NPLOC4: variants seen among roughly 807,000 people sequenced by gnomAD.
The protein encoded by NPLOC4 is nuclear protein localization protein 4 homolog.
A neutral mutation model predicts 80.6 loss-of-function variants in NPLOC4; 18 were observed. The ratio of observed to expected loss-of-function variants is 0.22; its 90% confidence interval spans 0.15 to 0.33. NPLOC4 has a LOEUF of 0.33. Ranked by LOEUF, NPLOC4 falls within the 10% of genes least tolerant of loss-of-function variation. NPLOC4 has a pLI of 1.00. For synonymous variants in NPLOC4, 313 were observed against 301.5 expected (o/e 1.04, Z -0.39); for missense variants, 540 against 786.1 (o/e 0.69, Z 3.74).
intron 12 of NPLOC4, among the ~76,000 whole-genome samples, chr17:81,581,518 C>G (rs1467349964): frequency 6.6e-6 from 1 of 152,184 alleles, no homozygotes; most frequent in Non-Finnish European, 1.5e-5. Flanking sequence ...TGTGGACGCC[C>G]AGACCCTTGG....
chr17:81,606,364 T>C lies in NPLOC4; in HGVS notation c.654+327A>G, dbSNP rs1365175852. 2.6e-5 allele frequency among the ~76,000 whole-genome samples: 4 copies of C among 152,252 alleles called. No homozygotes were observed. The East Asian group carries it at 7.7e-4, about 29-fold the overall frequency. On this transcript the variant is annotated intron_variant, in intron 7 of 16. Transcript: ENST00000331134. ...GCCAGCCTGGACAGGTGCTCAGAGCTGGTCCAAGGGGTGCCCCTTTACCAA... is the reference window on the plus strand; with the variant it reads ...GCCAGCCTGGACAGGTGCTCAGAGCCGGTCCAAGGGGTGCCCCTTTACCAA...
intron 1 of NPLOC4, chr17:81,636,436 T>A (rs1283930279): frequency 6.5e-6 from 1 of 153,392 alleles, no homozygotes; most frequent in Non-Finnish European, 1.5e-5. Context: ...AACGTCCCCG[T>A]CTGCAGAGCT....
chr17:81,587,909 T>C (rs1417343443), intron 12 of NPLOC4, among the ~76,000 whole-genome samples: 1 of 151,936 alleles, frequency 6.6e-6, no homozygotes, highest in Non-Finnish European at 1.5e-5. Flanking sequence ...TCTCCTGACC[T>C]TGTGATCCGC....
chr17:81,559,184 A>G lies in NPLOC4; in HGVS notation c.*75T>C. ...TGCCCACTATGGGGCAGTTACAGGG[A>G]ACACACTCAGCAACGCTTCTGGCTT... On this transcript the variant is annotated 3_prime_UTR_variant, in exon 17 of 17. Transcript: ENST00000331134. The G allele has an allele frequency of 3.4e-6, 5 of 1,475,008 alleles. No individual in the cohort carries two copies. The highest frequency in any genetic ancestry group is 4.5e-6 in the Non-Finnish European group (5 of 1,102,330). The allele number at this position is 1,475,008 out of a possible 1,614,324, so 91.4% of individuals were successfully genotyped here. A position where few individuals can be genotyped will look rare whatever the true frequency, so the allele number is the denominator to read the frequency against.
intron 1 of NPLOC4, among the ~76,000 whole-genome samples, chr17:81,634,163 C>T (rs1319002013): frequency 6.6e-6 from 1 of 151,618 alleles, no homozygotes; most frequent in Non-Finnish European, 1.5e-5. Context: ...TGAGCCACCA[C>T]GCCCTAATTT....
Position 81,616,340 on chromosome 17 carries a change from AAAAGC to A in NPLOC4, c.210-2851_210-2847del, listed in dbSNP as rs1219207821. Among the ~76,000 whole-genome samples, 10 of 147,838 alleles carry A rather than the reference AAAAGC, an allele frequency of 6.8e-5. 1 individual carries two copies. The highest frequency in any genetic ancestry group is 2.3e-4 in the African/African-American group (9 of 39,990). ...TGTCTCAAAAAAAAAAAAAAAAAAG[AAAAGC>A]AAAGCTGCTAAATCTGGATCCTTCA... On this transcript the variant is annotated intron_variant, in intron 3 of 16. Coordinates refer to ENST00000331134, the MANE Select transcript of NPLOC4 (RefSeq NM_017921.4).
intron 1 of NPLOC4, among the ~76,000 whole-genome samples, chr17:81,634,074 G>C (rs2036004706): frequency 6.6e-6 from 1 of 150,784 alleles, no homozygotes; most frequent in African/African-American, 2.4e-5. Context: ...GTTTCACCGT[G>C]TTGCCCAGGC....
At chr17:81,600,539 G>A (rs2035035130) in intron 8 of NPLOC4, 112 bp from the exon 9 acceptor site, 1 of 741,608 alleles carries the variant, frequency 1.3e-6, no homozygotes. Context: ...GGGCCTCCTT[G>A]TCAGAAAGGA....
chr17:81,613,407 G>A lies in NPLOC4; in HGVS notation c.297C>T (p.Val99=), dbSNP rs1336261877. 1 of 1,613,824 alleles carries A rather than the reference G, an allele frequency of 6.2e-7. No individual in the cohort carries two copies. Among genetic ancestry groups the A allele is most frequent in the African/African-American group, 1.3e-5 (1 of 74,882 alleles). The change falls in exon 4 of 17, where the codon GTC becomes GTT. Residue 99 remains valine, a synonymous_variant. Transcript: ENST00000331134. ...CCTCCACCACGTTGGGAGCGCCAAA[G>A]ACTTTGAAGCCCGGTGGAACTGACG... ...METSVPPGFK[V]FGAPNVVEDE...
At chr17:81,559,905 T>C (rs996326159) in intron 16 of NPLOC4, among the ~76,000 whole-genome samples, 3 of 151,606 alleles carry the variant, frequency 2.0e-5, no homozygotes, top group African/African-American at 7.3e-5. Context: ...GCTAATTTTA[T>C]CTATTTTTTG....
intron 12 of NPLOC4, among the ~76,000 whole-genome samples, chr17:81,585,706 T>TCA (rs1334127229): frequency 6.8e-6 from 1 of 146,828 alleles, no homozygotes; most frequent in African/African-American, 2.6e-5. Flanking sequence ...GTGCAGTGGC[T>TCA]CACATCTGTA....
Position 81,557,186 on chromosome 17 carries a change from G to A in NPLOC4, c.*2073C>T, listed in dbSNP as rs1310783427. 2 of 152,394 alleles carry A rather than the reference G, an allele frequency of 1.3e-5. No homozygotes were observed. The allele number at this position is 152,394 out of a possible 1,614,324, so 9.4% of individuals were successfully genotyped here. On this transcript the variant is annotated 3_prime_UTR_variant, in exon 17 of 17. Coordinates refer to ENST00000331134, the MANE Select transcript of NPLOC4 (RefSeq NM_017921.4). ...GCAGGTGAAGATGCGAGGTGGGGCT[G>A]AGACCTCCTTCCCACAAGAGGAGGT...
intron 6 of NPLOC4, among the ~76,000 whole-genome samples, chr17:81,607,433 C>T (rs981878093): frequency 6.7e-6 from 1 of 150,056 alleles, no homozygotes; most frequent in Admixed American, 6.6e-5. Context: ...TTAAGGTAGA[C>T]GTGAGGTTTT....
At chr17:81,610,129 G>T in intron 5 of NPLOC4, 81 bp downstream of exon 5, 2 of 1,289,342 alleles carry the variant, frequency 1.6e-6, no homozygotes, top group South Asian at 1.3e-5. Flanking sequence ...CAAGTGCGTG[G>T]ACTCAGGGCA....
intron 12 of NPLOC4, among the ~76,000 whole-genome samples, chr17:81,586,525 G>A (rs1332019740): frequency 9.3e-5 from 14 of 151,302 alleles, no homozygotes; most frequent in Non-Finnish European, 5.9e-5. Flanking sequence ...CACAAGAATC[G>A]CTTGAACTCA....
intron 2 of NPLOC4, among the ~76,000 whole-genome samples, chr17:81,627,389 CAA>C (rs532509354): frequency 4.8e-5 from 6 of 124,366 alleles, no homozygotes; most frequent in Non-Finnish European, 5.1e-5. Flanking sequence ...GACTCCGTCT[CAA>C]AAAAAAAAAA....
chr17:81,602,116 A>G (rs965559413), intron 8 of NPLOC4, among the ~76,000 whole-genome samples: 1 of 152,208 alleles, frequency 6.6e-6, no homozygotes, highest in Admixed American at 6.5e-5. Context: ...AATGTCACAT[A>G]CAAAAAAAAC....
At chr17:81,585,056 G>C (rs1160491146) in intron 12 of NPLOC4, among the ~76,000 whole-genome samples, 1 of 150,364 alleles carries the variant, frequency 6.7e-6, no homozygotes, top group Non-Finnish European at 1.5e-5. Context: ...TGTAGTCCTG[G>C]CTACTCGGGA....
intron 11 of NPLOC4, among the ~76,000 whole-genome samples, chr17:81,591,659 C>T (rs1338938280): frequency 6.6e-6 from 1 of 152,134 alleles, no homozygotes; most frequent in African/African-American, 2.4e-5. Flanking sequence ...GCAAACTCCC[C>T]TTTCCACATG....
Sources: gnomAD v4.1 joint callset for allele counts (sites outside exome capture counted in the v4.1 genomes callset) on GRCh38, gnomAD v4.1.1 for gene constraint, MANE v1.5 for transcripts, NCBI Gene and HGNC (gene_info 2026-07-23, HGNC 2026-07-21) for gene names.